PRUNE2: variants seen among roughly 807,000 people sequenced by gnomAD.
The protein encoded by PRUNE2 is prune homolog 2 with BCH domain.
Under a neutral mutation model 252.0 loss-of-function variants are expected in PRUNE2, and 164 were observed. That is an observed-to-expected ratio of 0.65 (90% CI 0.57 to 0.74). The LOEUF (loss-of-function observed/expected upper bound fraction) is 0.74. Ranked by LOEUF, PRUNE2 falls within the 30% of genes least tolerant of loss-of-function variation. The pLI is 0.00. For missense variants in PRUNE2, 3,495 were observed against 3,711.0 expected (o/e 0.94, Z 1.51); for synonymous variants, 1,292 against 1,350.2 (o/e 0.96, Z 0.94).
At chr9:76,668,981 C>G (rs1441960500) in intron 9 of PRUNE2, among the ~76,000 whole-genome samples, 1 of 151,324 alleles carries the variant, frequency 6.6e-6, no homozygotes, top group Non-Finnish European at 1.5e-5. Context: ...TCTGTTTTCA[C>G]AGTCATCCCT....
In PRUNE2 at chr9:76,701,507, T is replaced by C. The variant is rs559685662; in HGVS notation, c.8276+1830A>G. Among the ~76,000 whole-genome samples the C allele has an allele frequency of 2.4e-4, 36 of 152,236 alleles. No homozygotes were observed. In the South Asian group the frequency reaches 5.8e-3, roughly 25 times the overall value. ...AAAATGCACACAAGAAGCCAAACAA[T>C]AGCTCAGCCAACTCATGGCTGCCTG... On this transcript the variant is annotated intron_variant, in intron 9 of 18. Coordinates refer to ENST00000376718, the MANE Select transcript of PRUNE2 (RefSeq NM_015225.3).
intron 1 of PRUNE2, among the ~76,000 whole-genome samples, chr9:76,882,973 C>CA (rs2061878278): frequency 1.3e-5 from 2 of 152,158 alleles, no homozygotes; most frequent in Non-Finnish European, 2.9e-5. Context: ...ATAGTACTTT[C>CA]AGCAGCTCAC....
At chr9:76,872,511 T>C (rs1402658795) in intron 1 of PRUNE2, among the ~76,000 whole-genome samples, 2 of 151,806 alleles carry the variant, frequency 1.3e-5, no homozygotes, top group Non-Finnish European at 2.9e-5. Context: ...GATAAGAGTT[T>C]CCCAGGCTGA....
At chr9:76,739,003 CTGTGAAG>C (rs1176245181) in intron 6 of PRUNE2, 1 of 152,118 alleles carries the variant, frequency 6.6e-6, no homozygotes, top group African/African-American at 2.4e-5. Context: ...CATAATCACC[CTGTGAAG>C]TGGGCAGAGC....
At chr9:76,837,472 A>AATAATAATAATAATAATC in intron 4 of PRUNE2, among the ~76,000 whole-genome samples, 1 of 58,130 alleles carries the variant, frequency 1.7e-5, no homozygotes, top group Non-Finnish European at 3.3e-5. Context: ...TAATAATAAT[A>AATAATAATAATAATAATC]ATAATGCTAT....
At chr9:76,857,573 G>T (rs1564451149) in intron 1 of PRUNE2, among the ~76,000 whole-genome samples, 1 of 152,170 alleles carries the variant, frequency 6.6e-6, no homozygotes, top group Non-Finnish European at 1.5e-5. Context: ...TGATAAGATA[G>T]AATTGCAGGG....
At chr9:76,642,977 G>A (rs552099529) in intron 12 of PRUNE2, among the ~76,000 whole-genome samples, 23 of 152,284 alleles carry the variant, frequency 1.5e-4, no homozygotes, top group African/African-American at 2.4e-4. Context: ...CTGAGCTTGC[G>A]ACACAGAATG....
intron 9 of PRUNE2, among the ~76,000 whole-genome samples, chr9:76,674,481 T>G (rs1026127516): frequency 2.0e-5 from 3 of 151,948 alleles, no homozygotes; most frequent in African/African-American, 7.2e-5. Context: ...AAAATGGCCA[T>G]ACTGCCCAAG....
At chr9:76,825,388 T>A (rs1462596519) in intron 5 of PRUNE2, among the ~76,000 whole-genome samples, 1 of 152,192 alleles carries the variant, frequency 6.6e-6, no homozygotes, top group Non-Finnish European at 1.5e-5. Context: ...CTCTTTCTCA[T>A]GGTCTCTGGT....
chr9:76,837,952 T>A (rs1161043195), intron 4 of PRUNE2, among the ~76,000 whole-genome samples: 1 of 151,844 alleles, frequency 6.6e-6, no homozygotes, highest in Non-Finnish European at 1.5e-5. Context: ...TTTGTATTTT[T>A]AGTAGAGACG....
chr9:76,708,847 C>T lies in PRUNE2; in HGVS notation c.3427G>A (p.Gly1143Arg), dbSNP rs754723706. 1.5e-5 allele frequency: 25 copies of T among 1,613,962 alleles called. No individual in the cohort carries two copies. Among genetic ancestry groups the T allele is most frequent in the East Asian group, 1.1e-4 (5 of 44,870 alleles). ...CCATCACTGGGGATTGCCGCACCCC[C>T]ACTGCAGTCATCCCAGTCCAAATCA... ...DNDLDWDDCS[G>R]GAAIPSDGQT... Residue 1143 changes from glycine to arginine, a missense_variant, in exon 8 of 19, where the codon GGG becomes AGG. Physicochemically the swap from Gly to Arg is moderately radical, Grantham distance 125. Transcript: ENST00000376718.
In PRUNE2 at chr9:76,833,561, C is replaced by G. The variant is rs543933847; in HGVS notation, c.509-6829G>C. On this transcript the variant is annotated intron_variant, in intron 4 of 18. Coordinates refer to ENST00000376718, the MANE Select transcript of PRUNE2 (RefSeq NM_015225.3). Reference sequence around the variant, plus strand: ...TGGGCGGATCACGAAGTCAGGAGATCGAGACCATCCTGGCTAACACGGTGA... The same window carrying G: ...TGGGCGGATCACGAAGTCAGGAGATGGAGACCATCCTGGCTAACACGGTGA... Among the ~76,000 whole-genome samples the G allele has an allele frequency of 4.6e-5, 7 of 151,848 alleles. No homozygotes were observed. The South Asian group carries it at 1.0e-3, about 23-fold the overall frequency.
At chr9:76,775,472 G>T (rs886760803) in intron 6 of PRUNE2, among the ~76,000 whole-genome samples, 14 of 150,532 alleles carry the variant, frequency 9.3e-5, no homozygotes, top group East Asian at 2.0e-4. Flanking sequence ...AATTTTTGTG[G>T]TTTTTTTTTG....
intron 1 of PRUNE2, among the ~76,000 whole-genome samples, chr9:76,866,215 C>A (rs1244807213): frequency 2.0e-5 from 3 of 152,180 alleles, no homozygotes; most frequent in Non-Finnish European, 4.4e-5. Flanking sequence ...AATTAGCTAC[C>A]AGGTGTTTCT....
intron 9 of PRUNE2, among the ~76,000 whole-genome samples, chr9:76,660,197 A>G (rs1850740571): frequency 6.6e-6 from 1 of 152,182 alleles, no homozygotes; most frequent in Non-Finnish European, 1.5e-5. Flanking sequence ...AGGGTCTCAC[A>G]GCATAAGGGA....
In PRUNE2 at chr9:76,611,760, A is replaced by G. The variant is rs1827514138; in HGVS notation, c.*2810T>C. 1 of 152,642 alleles carries G rather than the reference A, an allele frequency of 6.6e-6. No homozygotes were observed. Among genetic ancestry groups the G allele is most frequent in the African/African-American group, 2.4e-5 (1 of 41,456 alleles). The allele number at this position is 152,642 out of a possible 1,614,324, so 9.5% of individuals were successfully genotyped here. On this transcript the variant is annotated 3_prime_UTR_variant, in exon 19 of 19. Coordinates refer to ENST00000376718, the MANE Select transcript of PRUNE2 (RefSeq NM_015225.3). ...ATTGTATGGCTTCAACAGAAACTTC[A>G]GGATTTTCTTCCACACTGAGCTACT...
intron 6 of PRUNE2, chr9:76,786,460 A>T (rs965455369): frequency 2.0e-5 from 3 of 152,386 alleles, no homozygotes; most frequent in Non-Finnish European, 2.9e-5. Flanking sequence ...AATCAAGGAA[A>T]CCAGTGTCAT....
intron 17 of PRUNE2, among the ~76,000 whole-genome samples, chr9:76,623,352 T>A (rs1315978929): frequency 6.6e-6 from 1 of 151,460 alleles, no homozygotes; most frequent in Non-Finnish European, 1.5e-5. Context: ...TGGAGTGCAG[T>A]GGCATGATCT....
At chr9:76,688,252 T>C (rs1205964276) in intron 9 of PRUNE2, among the ~76,000 whole-genome samples, 1 of 152,164 alleles carries the variant, frequency 6.6e-6, no homozygotes, top group African/African-American at 2.4e-5. Flanking sequence ...AGACCTGCCC[T>C]CTTGGCAACA....
Sources: gnomAD v4.1 joint callset for allele counts (sites outside exome capture counted in the v4.1 genomes callset) on GRCh38, gnomAD v4.1.1 for gene constraint, MANE v1.5 for transcripts, NCBI Gene and HGNC (gene_info 2026-07-23, HGNC 2026-07-21) for gene names.